Variants in ADGRV1 observed in about 807,000 individuals in gnomAD.
ADGRV1 encodes G-protein coupled receptor 98.
Under a neutral mutation model 596.2 loss-of-function variants are expected in ADGRV1, and 359 were observed. The observed-to-expected ratio is 0.60, with a 90% confidence interval of 0.55 to 0.66. The LOEUF is 0.66. Ranked by LOEUF, ADGRV1 falls within the 30% of genes least tolerant of loss-of-function variation. ADGRV1 has a pLI of 0.00. For synonymous variants in ADGRV1, 2,681 were observed against 2,679.2 expected (o/e 1.00, Z -0.02); for missense variants, 7,274 against 7,575.6 (o/e 0.96, Z 1.48).
intron 89 of ADGRV1, among the ~76,000 whole-genome samples, chr5:91,154,339 G>A (rs1796292665): frequency 2.0e-5 from 3 of 152,206 alleles, no homozygotes; most frequent in Admixed American, 2.0e-4. Flanking sequence ...TTTATTGTTT[G>A]GCTATGAAGT....
chr5:90,588,736 G>A (rs939255310), intron 1 of ADGRV1, among the ~76,000 whole-genome samples: 3 of 152,174 alleles, frequency 2.0e-5, no homozygotes, highest in African/African-American at 4.8e-5. Context: ...CTATCCTTTC[G>A]TATGTTCTAA....
intron 84 of ADGRV1, among the ~76,000 whole-genome samples, chr5:90,984,359 T>C (rs1195567677): frequency 6.6e-6 from 1 of 152,178 alleles, no homozygotes; most frequent in Admixed American, 6.5e-5. Context: ...TACTAAATGA[T>C]AATTAAATAT....
chr5:91,046,660 A>G (rs555597674), intron 85 of ADGRV1, among the ~76,000 whole-genome samples: 1 of 152,354 alleles, frequency 6.6e-6, no homozygotes, highest in East Asian at 1.9e-4. Context: ...ACAAAGACGA[A>G]CAGCTGGGAC....
intron 1 of ADGRV1, among the ~76,000 whole-genome samples, chr5:90,589,446 T>C (rs762500082): frequency 1.1e-4 from 16 of 152,184 alleles, no homozygotes; most frequent in Non-Finnish European, 1.5e-4. Context: ...GCTTCTCTCC[T>C]CAAGCAATGT....
intron 83 of ADGRV1, among the ~76,000 whole-genome samples, chr5:90,868,844 A>G (rs1768389779): frequency 6.6e-6 from 1 of 152,126 alleles, no homozygotes; most frequent in Non-Finnish European, 1.5e-5. Flanking sequence ...GCTCAATGGC[A>G]TGGTGAAAAT....
Position 90,788,013 on chromosome 5 carries a change from T to G in ADGRV1, c.13654-58T>G. 3.0e-6 allele frequency: 4 copies of G among 1,332,332 alleles called. No individual in the cohort carries two copies. In the South Asian group the frequency reaches 8.0e-5, roughly 27 times the overall value. 82.5% of individuals were successfully genotyped at this position (1,332,332 alleles called of 1,614,324 possible). ...CTTAATACTAGATACCCTGAAATAG[T>G]TTTTTGCTTAAAATTGATCTCTATT... On this transcript the variant is annotated intron_variant, in intron 67 of 89. Transcript: ENST00000405460.
intron 59 of ADGRV1, among the ~76,000 whole-genome samples, chr5:90,767,525 T>A (rs1757270507): frequency 6.6e-6 from 1 of 152,172 alleles, no homozygotes; most frequent in Non-Finnish European, 1.5e-5. Context: ...TATGTGAAAT[T>A]GGCTCTAGCA....
intron 86 of ADGRV1, among the ~76,000 whole-genome samples, chr5:91,099,778 C>T (rs1227687587): frequency 1.3e-5 from 2 of 152,024 alleles, no homozygotes; most frequent in Non-Finnish European, 2.9e-5. Context: ...CTGGAATTAA[C>T]CCCGTGATGT....
intron 34 of ADGRV1, among the ~76,000 whole-genome samples, chr5:90,703,056 A>C (rs965682817): frequency 6.6e-6 from 1 of 152,066 alleles, no homozygotes; most frequent in Admixed American, 6.5e-5. Context: ...CCAGGAATAG[A>C]AGAGATCTAA....
chr5:90,985,334 T>C lies in ADGRV1; in HGVS notation c.17974-10T>C, dbSNP rs1780399017. ...AGAGCCTGTTCATTTTATGTTGTTTTCTTCCTTAGTCTGTGAATTTCTGGT... is the reference window on the plus strand; with the variant it reads ...AGAGCCTGTTCATTTTATGTTGTTTCCTTCCTTAGTCTGTGAATTTCTGGT... On this transcript the variant is annotated splice_polypyrimidine_tract_variant and intron_variant, in intron 84 of 89. Transcript: ENST00000405460. 1.9e-6 allele frequency: 3 copies of C among 1,586,070 alleles called. No homozygotes were observed. Among genetic ancestry groups the C allele is most frequent in the Admixed American group, 1.7e-5 (1 of 57,810 alleles).
At chr5:90,610,330 G>A (rs1049337312) in intron 1 of ADGRV1, among the ~76,000 whole-genome samples, 4 of 152,004 alleles carry the variant, frequency 2.6e-5, no homozygotes, top group Non-Finnish European at 2.9e-5. Flanking sequence ...ATAAAGCATC[G>A]TGGGAAACAG....
chr5:90,671,715 C>T (rs1772490054), intron 21 of ADGRV1, among the ~76,000 whole-genome samples: 1 of 151,960 alleles, frequency 6.6e-6, no homozygotes, highest in South Asian at 2.1e-4. Flanking sequence ...TATCTGTATT[C>T]ATTTTTGGTT....
chr5:91,097,807 G>A (rs898746664), intron 86 of ADGRV1, among the ~76,000 whole-genome samples: 4 of 151,786 alleles, frequency 2.6e-5, no homozygotes, highest in South Asian at 2.1e-4. Context: ...TTTGATCTTC[G>A]TTTCCCTAAT....
intron 75 of ADGRV1, among the ~76,000 whole-genome samples, chr5:90,817,943 C>G (rs949792276): frequency 3.3e-5 from 5 of 152,138 alleles, no homozygotes; most frequent in Non-Finnish European, 4.4e-5. Context: ...TTTTCCAATT[C>G]TGTGAAGAAA....
intron 38 of ADGRV1, among the ~76,000 whole-genome samples, chr5:90,707,910 G>A (rs948608839): frequency 6.6e-6 from 1 of 152,028 alleles, no homozygotes. Flanking sequence ...GTATTGCGTG[G>A]GGGGTGGGGG....
At chr5:90,564,719 C>G (rs1489743161) in intron 1 of ADGRV1, among the ~76,000 whole-genome samples, 1 of 37,814 alleles carries the variant, frequency 2.6e-5, no homozygotes, top group Non-Finnish European at 5.2e-5. Context: ...CTCCGCCTCC[C>G]GGGTTCACGC....
At chr5:90,818,540 T>G (rs1169980466) in intron 75 of ADGRV1, among the ~76,000 whole-genome samples, 1 of 150,442 alleles carries the variant, frequency 6.6e-6, no homozygotes, top group Non-Finnish European at 1.5e-5. Flanking sequence ...AGTATGATAT[T>G]GGCTGTGGGT....
intron 78 of ADGRV1, among the ~76,000 whole-genome samples, chr5:90,844,580 C>CA (rs1765699335): frequency 6.6e-6 from 1 of 152,178 alleles, no homozygotes; most frequent in African/African-American, 2.4e-5. Context: ...GTCTTAATAG[C>CA]AAGAGCAGTC....
At chr5:90,920,273 G>A (rs1773763619) in intron 83 of ADGRV1, among the ~76,000 whole-genome samples, 1 of 152,106 alleles carries the variant, frequency 6.6e-6, no homozygotes, top group Admixed American at 6.5e-5. Context: ...ATTTTTATAA[G>A]GGCAGGAATC....
Sources: allele counts gnomAD v4.1 joint callset (sites outside exome capture counted in the v4.1 genomes callset), GRCh38; gene constraint gnomAD v4.1.1; transcripts MANE v1.5; gene names NCBI Gene and HGNC (gene_info 2026-07-23, HGNC 2026-07-21).